MACROD2: variants seen among roughly 807,000 people sequenced by gnomAD.
MACROD2 encodes mono-ADP ribosylhydrolase 2.
Under a neutral mutation model 70.4 loss-of-function variants are expected in MACROD2, and 36 were observed. That is an observed-to-expected ratio of 0.51 (90% CI 0.39 to 0.68). MACROD2 has a LOEUF of 0.68. MACROD2 is among the 30% of genes least tolerant of loss of function. The pLI is 0.00. For missense variants in MACROD2, 496 were observed against 538.4 expected (o/e 0.92, Z 0.78); for synonymous variants, 172 against 178.8 (o/e 0.96, Z 0.30).
At chr20:14,023,176 T>A (rs534383418) in intron 2 of MACROD2, among the ~76,000 whole-genome samples, 1 of 152,376 alleles carries the variant, frequency 6.6e-6, no homozygotes, top group African/African-American at 2.4e-5. Context: ...CTTTTTTTCA[T>A]ATGTATGTTG....
At chr20:15,220,862 C>T (rs1286620921) in intron 5 of MACROD2, among the ~76,000 whole-genome samples, 1 of 152,168 alleles carries the variant, frequency 6.6e-6, no homozygotes, top group African/African-American at 2.4e-5. Flanking sequence ...GCCCTATGCA[C>T]TGGCACATAG....
chr20:16,039,748 A>G (rs2067283487), intron 15 of MACROD2, among the ~76,000 whole-genome samples: 1 of 151,964 alleles, frequency 6.6e-6, no homozygotes, highest in Admixed American at 6.6e-5. Context: ...GAAAGGTATT[A>G]TATAGTGTTA....
intron 3 of MACROD2, among the ~76,000 whole-genome samples, chr20:14,489,350 G>C (rs1160467424): frequency 6.6e-6 from 1 of 152,186 alleles, no homozygotes; most frequent in Non-Finnish European, 1.5e-5. Flanking sequence ...TGAGATGGTT[G>C]CTTCCTATAT....
chr20:15,108,890 CACA>C (rs11087122), intron 5 of MACROD2, among the ~76,000 whole-genome samples: 17,500 of 152,078 alleles, frequency 0.12, 1,159 homozygotes, highest in Admixed American at 0.16. Context: ...CCTGAAATTA[CACA>C]ACTAGTGAGT....
intron 4 of MACROD2, among the ~76,000 whole-genome samples, chr20:14,609,746 G>A (rs1301400203): frequency 2.0e-5 from 3 of 152,118 alleles, no homozygotes; most frequent in Non-Finnish European, 4.4e-5. Flanking sequence ...TGTGGAAACA[G>A]ACATCCTCAT....
chr20:15,809,078 C>T (rs1254492575), intron 8 of MACROD2, among the ~76,000 whole-genome samples: 2 of 152,194 alleles, frequency 1.3e-5, no homozygotes, highest in Non-Finnish European at 2.9e-5. Context: ...TCTTTTTCTA[C>T]ATAGCAGCCA....
chr20:15,823,316 G>GTATGTGTGTA lies in MACROD2; in HGVS notation c.646-39428_646-39427insATGTGTGTAT, dbSNP rs1555783873. ...TGTGTGTGTGTGTGTGTGTGTGTGTGTGTGTCTATAGCTGTCTATGCGAAG... is the reference window on the plus strand; with the variant it reads ...TGTGTGTGTGTGTGTGTGTGTGTGTGTATGTGTGTATGTGTCTATAGCTGTCTATGCGAAG... On this transcript the variant is annotated intron_variant, in intron 8 of 17. Coordinates refer to ENST00000684519, the MANE Select transcript of MACROD2 (RefSeq NM_001351661.2). 6.9e-3 allele frequency among the ~76,000 whole-genome samples: 1,023 copies of GTATGTGTGTA among 148,134 alleles called. 3 individuals carry two copies. Among genetic ancestry groups the GTATGTGTGTA allele is most frequent in the African/African-American group, 0.011 (430 of 39,508 alleles).
At chr20:15,113,326 C>G (rs996203329) in intron 5 of MACROD2, among the ~76,000 whole-genome samples, 8 of 152,058 alleles carry the variant, frequency 5.3e-5, no homozygotes. Flanking sequence ...TGTAGCTGAT[C>G]TGATGCTTTT....
chr20:14,998,546 T>G (rs1317428690), intron 5 of MACROD2, among the ~76,000 whole-genome samples: 1 of 151,942 alleles, frequency 6.6e-6, no homozygotes, highest in African/African-American at 2.4e-5. Flanking sequence ...TTAGTGAACT[T>G]GAAGACAGGG....
At chr20:15,231,060 C>A (rs1028271967) in intron 6 of MACROD2, among the ~76,000 whole-genome samples, 33 of 152,092 alleles carry the variant, frequency 2.2e-4, no homozygotes, top group African/African-American at 7.9e-4. Context: ...ATTTAGGTAA[C>A]CCTGGATGGT....
chr20:14,995,199 T>C (rs2074938845), intron 5 of MACROD2, among the ~76,000 whole-genome samples: 1 of 152,184 alleles, frequency 6.6e-6, no homozygotes, highest in Non-Finnish European at 1.5e-5. Flanking sequence ...AGATATGGAA[T>C]ATTAAATATC....
At chr20:15,833,441 G>A (rs978675929) in intron 8 of MACROD2, among the ~76,000 whole-genome samples, 1 of 152,172 alleles carries the variant, frequency 6.6e-6, no homozygotes, top group African/African-American at 2.4e-5. Context: ...GCATGTAGGG[G>A]TGTGGGAAGC....
intron 13 of MACROD2, among the ~76,000 whole-genome samples, chr20:15,975,686 G>T (rs943172087): frequency 6.6e-6 from 1 of 152,104 alleles, no homozygotes; most frequent in Non-Finnish European, 1.5e-5. Context: ...ACATACAAGA[G>T]AAATATGACA....
At chr20:14,468,949 T>C (rs1359120487) in intron 3 of MACROD2, among the ~76,000 whole-genome samples, 1 of 152,162 alleles carries the variant, frequency 6.6e-6, no homozygotes, top group African/African-American at 2.4e-5. Context: ...AGGTTAATAT[T>C]GTTATGTGTG....
At chr20:15,584,183 G>A (rs556877500) in intron 8 of MACROD2, among the ~76,000 whole-genome samples, 1 of 152,272 alleles carries the variant, frequency 6.6e-6, no homozygotes, top group South Asian at 2.1e-4. Context: ...CAGCCCCCTG[G>A]ATCTCACTGG....
intron 5 of MACROD2, among the ~76,000 whole-genome samples, chr20:14,793,801 T>C (rs1008371723): frequency 6.6e-6 from 1 of 151,930 alleles, no homozygotes; most frequent in African/African-American, 2.4e-5. Context: ...ATCTCTAAGG[T>C]ACAATGAGAA....
intron 7 of MACROD2, among the ~76,000 whole-genome samples, chr20:15,435,658 T>A (rs528874976): frequency 6.6e-6 from 1 of 152,310 alleles, no homozygotes; most frequent in Non-Finnish European, 1.5e-5. Context: ...GTAAACTTTT[T>A]AAATATCAAA....
chr20:14,477,276 G>A (rs1600281184), intron 3 of MACROD2, among the ~76,000 whole-genome samples: 2 of 152,100 alleles, frequency 1.3e-5, no homozygotes, highest in African/African-American at 4.8e-5. Context: ...AATTAGAGTG[G>A]CTTGTGATGA....
At chr20:14,411,632 C>T (rs933496861) in intron 3 of MACROD2, among the ~76,000 whole-genome samples, 3 of 152,094 alleles carry the variant, frequency 2.0e-5, no homozygotes, top group African/African-American at 7.2e-5. Context: ...TAAGTTTTGG[C>T]ATCCATTTCT....
Sources: allele counts gnomAD v4.1 joint callset (sites outside exome capture counted in the v4.1 genomes callset), GRCh38; gene constraint gnomAD v4.1.1; transcripts MANE v1.5; gene names NCBI Gene and HGNC (gene_info 2026-07-23, HGNC 2026-07-21).